Variants in RBFOX1 observed in about 807,000 individuals in gnomAD.
RBFOX1 encodes RNA binding fox-1 homolog 1.
A neutral mutation model predicts 57.7 loss-of-function variants in RBFOX1; 8 were observed. The observed-to-expected ratio is 0.14, with a 90% CI of 0.08 to 0.25. The LOEUF (loss-of-function observed/expected upper bound fraction) is 0.25, where lower values mean the gene tolerates loss of function less well. RBFOX1 is among the 10% of genes least tolerant of loss of function. The pLI is 1.00. For synonymous variants in RBFOX1, 326 were observed against 222.4 expected, an observed-to-expected ratio of 1.47 and a Z score of -4.15; for missense variants, 611 against 548.5, an observed-to-expected ratio of 1.11 and a Z score of -1.14.
At chr16:5,673,628 A>G (rs1035815443) in intron 3 of RBFOX1, among the ~76,000 whole-genome samples, 3 of 152,214 alleles carry the variant, frequency 2.0e-5, no homozygotes, top group African/African-American at 7.2e-5. Context: ...GTTCATGTCT[A>G]TCTTTGGGGG....
At chr16:7,011,440 C>G (rs2093648198) in intron 3 of RBFOX1, among the ~76,000 whole-genome samples, 1 of 152,070 alleles carries the variant, frequency 6.6e-6, no homozygotes, top group African/African-American at 2.4e-5. Flanking sequence ...CAGGTTGGGC[C>G]TTCCAAGTTG....
chr16:7,177,113 T>C (rs1386109793), intron 4 of RBFOX1, among the ~76,000 whole-genome samples: 1 of 152,212 alleles, frequency 6.6e-6, no homozygotes, highest in Non-Finnish European at 1.5e-5. Context: ...CATTTAGTAT[T>C]GTAGAACTGT....
At chr16:7,223,432 A>T (rs138903783) in intron 4 of RBFOX1, among the ~76,000 whole-genome samples, 1 of 152,228 alleles carries the variant, frequency 6.6e-6, no homozygotes, top group African/African-American at 2.4e-5. Context: ...ATCAAAATGT[A>T]TATTCCATTG....
Position 6,019,725 on chromosome 16 carries a change from G to A in RBFOX1, c.-394G>A. On this transcript the variant is annotated 5_prime_UTR_variant, in exon 1 of 16. Transcript: ENST00000550418. This position sits in a 1 kb window ranked among gnomAD's most constrained non-coding sequence, Gnocchi z 4.2. ...GGCAGAGAGAGCAGGAGCGGACCGC[G>A]CGCCCGGGATTGAGAGTCCTTGCGC... is the stretch of plus-strand genomic sequence containing the variant. 3 of 1,368,874 alleles carry A rather than the reference G, an allele frequency of 2.2e-6. No individual in the cohort carries two copies. Among genetic ancestry groups the A allele is most frequent in the East Asian group, 2.8e-5 (1 of 35,122 alleles). 84.8% of individuals were successfully genotyped at this position (1,368,874 alleles called of 1,614,324 possible).
intron 1 of RBFOX1, among the ~76,000 whole-genome samples, chr16:5,272,405 G>A (rs190403077): frequency 1.3e-5 from 2 of 152,298 alleles, no homozygotes; most frequent in East Asian, 3.9e-4. Context: ...TGGCATTGAT[G>A]GAACTGGAAC....
chr16:5,478,287 G>T (rs775195511), intron 2 of RBFOX1, among the ~76,000 whole-genome samples: 1 of 151,886 alleles, frequency 6.6e-6, no homozygotes, highest in Admixed American at 6.6e-5. Flanking sequence ...GCTGCCAGAC[G>T]GTTAGAGTGG....
chr16:6,844,085 C>A lies in RBFOX1; in HGVS notation c.-16+189435C>A, dbSNP rs548876841. Among the ~76,000 whole-genome samples, 13 of 152,134 alleles carry A rather than the reference C, an allele frequency of 8.5e-5. No individual in the cohort carries two copies. In the South Asian group the frequency reaches 2.7e-3, roughly 32 times the overall value. On this transcript the variant is annotated intron_variant, in intron 3 of 15. Transcript: ENST00000550418. ...TCTCTCTCTCCCCACCCCCAAATCC[C>A]TCTCTGTCTCTAAGCCACCATCACA... is the stretch of plus-strand genomic sequence containing the variant.
intron 12 of RBFOX1, among the ~76,000 whole-genome samples, chr16:7,664,599 C>T (rs1330289806): frequency 2.0e-5 from 3 of 152,256 alleles, no homozygotes; most frequent in Middle Eastern, 3.4e-3. Context: ...TTAAGATGCT[C>T]ATGTCTGTCT....
At chr16:7,499,973 A>G (rs371580263) in intron 4 of RBFOX1, among the ~76,000 whole-genome samples, 13 of 152,262 alleles carry the variant, frequency 8.5e-5, no homozygotes, top group African/African-American at 3.1e-4. Context: ...CATATTTCCA[A>G]AAACCCCTGG....
intron 14 of RBFOX1, among the ~76,000 whole-genome samples, chr16:7,703,135 T>G (rs565188165): frequency 2.6e-5 from 4 of 152,338 alleles, no homozygotes; most frequent in African/African-American, 9.6e-5. Context: ...CCTGTTGCTA[T>G]GCTGTACGGT....
chr16:6,851,668 C>T (rs538523266), intron 3 of RBFOX1, among the ~76,000 whole-genome samples: 45 of 152,168 alleles, frequency 3.0e-4, no homozygotes, highest in Non-Finnish European at 5.6e-4. Context: ...GCTCTAGGGT[C>T]GAGAAGACAT....
At chr16:6,558,173 A>G (rs774844185) in intron 2 of RBFOX1, among the ~76,000 whole-genome samples, 19 of 152,188 alleles carry the variant, frequency 1.2e-4, no homozygotes, top group Non-Finnish European at 2.4e-4. Context: ...GAGGAGTGCG[A>G]TAGAGCTGGA....
chr16:6,998,496 G>T (rs551558863), intron 3 of RBFOX1, among the ~76,000 whole-genome samples: 3 of 152,156 alleles, frequency 2.0e-5, no homozygotes, highest in African/African-American at 7.2e-5. Context: ...AGAGCTCTTG[G>T]CAATGACTTG....
At chr16:7,626,530 G>T (rs956611624) in intron 10 of RBFOX1, among the ~76,000 whole-genome samples, 1 of 152,192 alleles carries the variant, frequency 6.6e-6, no homozygotes, top group Non-Finnish European at 1.5e-5. Context: ...CTGAGATTGA[G>T]GTCTGTCCCA....
chr16:5,264,610 A>G (rs1223678711), intron 1 of RBFOX1, among the ~76,000 whole-genome samples: 1 of 152,166 alleles, frequency 6.6e-6, no homozygotes, highest in Non-Finnish European at 1.5e-5. Context: ...TTTCTCTTTT[A>G]TGAAATGCCA....
At chr16:5,433,008 A>C (rs1321798321) in intron 1 of RBFOX1, among the ~76,000 whole-genome samples, 2 of 151,698 alleles carry the variant, frequency 1.3e-5, no homozygotes, top group Non-Finnish European at 2.9e-5. Context: ...GTGGTCTCAA[A>C]CTCCTGACCT....
At chr16:6,956,672 T>A (rs2081915724) in intron 3 of RBFOX1, among the ~76,000 whole-genome samples, 1 of 152,232 alleles carries the variant, frequency 6.6e-6, no homozygotes, top group Non-Finnish European at 1.5e-5. Flanking sequence ...TCCAGTTATC[T>A]ATTGCATCAT....
In RBFOX1 at chr16:5,454,906, C is replaced by CCTTTG. The variant is rs1567535255; in HGVS notation, c.220-12310_220-12309insCTTTG. ...TCTTTCTTTCTTTCTTTCTTTCTTT[C>CCTTTG]TTTCTTTCCTTTGTTTCTTTCTTCC... On this transcript the variant is annotated intron_variant, in intron 1 of 2. Transcript: ENST00000585867. Among the ~76,000 whole-genome samples, 157 of 68,120 alleles carry CCTTTG rather than the reference C, an allele frequency of 2.3e-3. 3 individuals carry two copies. Among genetic ancestry groups the CCTTTG allele is most frequent in the Non-Finnish European group, 4.1e-3 (129 of 31,394 alleles). The allele number at this position is 68,120 out of a possible 152,430, so 44.7% of individuals were successfully genotyped here.
At chr16:7,541,931 T>A (rs978710929) in intron 5 of RBFOX1, among the ~76,000 whole-genome samples, 1 of 152,192 alleles carries the variant, frequency 6.6e-6, no homozygotes, top group African/African-American at 2.4e-5. Flanking sequence ...GATGCCAAGT[T>A]TCCCAGCAAA....
Sources: gnomAD v4.1 joint callset for allele counts (sites outside exome capture counted in the v4.1 genomes callset) on GRCh38, gnomAD v4.1.1 for gene constraint, Gnocchi (gnomAD v3.1) non-coding constraint, MANE v1.5 for transcripts, NCBI Gene and HGNC (gene_info 2026-07-23, HGNC 2026-07-21) for gene names.